Variants in SNTG2 observed in about 807,000 individuals in gnomAD.
SNTG2 encodes the protein syntrophin gamma 2, also known as gamma-2-syntrophin.
A neutral mutation model predicts 70.9 loss-of-function variants in SNTG2; 74 were observed. The ratio of observed to expected loss-of-function variants is 1.04; its 90% confidence interval spans 0.86 to 1.27. The LOEUF (loss-of-function observed/expected upper bound fraction) is 1.27, where lower values mean the gene tolerates loss of function less well. SNTG2 is among the 50% of genes most tolerant of loss of function. The pLI is 0.00. For missense variants in SNTG2, 717 were observed against 690.7 expected, an observed-to-expected ratio of 1.04 and a Z score of -0.43; for synonymous variants, 278 against 273.8, an observed-to-expected ratio of 1.02 and a Z score of -0.15.
At chr2:1,195,911 TCA>T (rs2147952482) in intron 8 of SNTG2, among the ~76,000 whole-genome samples, 1 of 152,192 alleles carries the variant, frequency 6.6e-6, no homozygotes, top group South Asian at 2.1e-4. Flanking sequence ...AAAAATAAAC[TCA>T]CATTGTTGGG....
At chr2:1,359,405 T>C (rs1016374894) in intron 16 of SNTG2, among the ~76,000 whole-genome samples, 14 of 152,206 alleles carry the variant, frequency 9.2e-5, no homozygotes, top group Admixed American at 2.6e-4. Flanking sequence ...ACAGTTGTTC[T>C]ATCTTCCTGG....
chr2:1,123,599 A>AACT (rs1230730251), intron 4 of SNTG2, among the ~76,000 whole-genome samples: 1 of 152,206 alleles, frequency 6.6e-6, no homozygotes, highest in African/African-American at 2.4e-5. Flanking sequence ...GAAGCCATAA[A>AACT]ACTCCTAGAA....
chr2:1,112,922 T>C (rs1016236226), intron 4 of SNTG2, among the ~76,000 whole-genome samples: 8 of 151,712 alleles, frequency 5.3e-5, no homozygotes, highest in Non-Finnish European at 1.2e-4. Flanking sequence ...AGGAGGATCA[T>C]GTATACTAAG....
At chr2:1,307,875 CACGTGCTG>C (rs1292179538) in intron 14 of SNTG2, among the ~76,000 whole-genome samples, 1 of 152,242 alleles carries the variant, frequency 6.6e-6, no homozygotes, top group Non-Finnish European at 1.5e-5. Context: ...TCAGAAGCGG[CACGTGCTG>C]GTCCGGGCCG....
intron 6 of SNTG2, among the ~76,000 whole-genome samples, chr2:1,145,973 A>G (rs1210970752): frequency 3.9e-5 from 6 of 152,234 alleles, no homozygotes; most frequent in South Asian, 2.1e-4. Flanking sequence ...AAATGGATGC[A>G]GGAAAAGCAT....
At chr2:1,314,254 C>T (rs1293919163) in intron 15 of SNTG2, among the ~76,000 whole-genome samples, 1 of 152,016 alleles carries the variant, frequency 6.6e-6, no homozygotes, top group East Asian at 1.9e-4. Flanking sequence ...TAGGCAAAAC[C>T]TCAATAGCCA....
chr2:1,047,424 T>C (rs1161003901), intron 1 of SNTG2, among the ~76,000 whole-genome samples: 1 of 152,220 alleles, frequency 6.6e-6, no homozygotes, highest in East Asian at 1.9e-4. Context: ...AGAATACATT[T>C]TGGCTTTTAG....
At chr2:981,660 T>C (rs1661101209) in intron 1 of SNTG2, among the ~76,000 whole-genome samples, 1 of 152,052 alleles carries the variant, frequency 6.6e-6, no homozygotes, top group African/African-American at 2.4e-5. Context: ...TACATGCACA[T>C]GAACACAGAC....
At chr2:1,121,610 C>G (rs1204209845) in intron 4 of SNTG2, among the ~76,000 whole-genome samples, 1 of 152,046 alleles carries the variant, frequency 6.6e-6, no homozygotes, top group Non-Finnish European at 1.5e-5. Flanking sequence ...AGAAGACTTA[C>G]AATCATAGTA....
chr2:1,237,797 A>C, intron 9 of SNTG2, 91 bp from the exon 10 acceptor site: 1 of 1,486,440 alleles, frequency 6.7e-7, no homozygotes, highest in Non-Finnish European at 9.0e-7. Flanking sequence ...GGTCCAGGGT[A>C]GAGCCCTGCT....
intron 9 of SNTG2, among the ~76,000 whole-genome samples, chr2:1,218,743 G>T (rs758442431): frequency 6.6e-6 from 1 of 152,146 alleles, no homozygotes; most frequent in South Asian, 2.1e-4. Flanking sequence ...GGAATAGTAC[G>T]GGGATAGGAA....
chr2:1,177,163 G>T (rs768590163), intron 8 of SNTG2, among the ~76,000 whole-genome samples: 1 of 152,180 alleles, frequency 6.6e-6, no homozygotes, highest in African/African-American at 2.4e-5. Flanking sequence ...AAAGGAGCAA[G>T]ACTATGTCCT....
At chr2:1,059,877 C>T (rs1662700134) in intron 1 of SNTG2, among the ~76,000 whole-genome samples, 1 of 151,974 alleles carries the variant, frequency 6.6e-6, no homozygotes, top group Non-Finnish European at 1.5e-5. Context: ...TCTATATAAA[C>T]TAAGACAGAG....
chr2:1,315,741 A>G (rs1681246583), intron 15 of SNTG2, among the ~76,000 whole-genome samples: 1 of 152,186 alleles, frequency 6.6e-6, no homozygotes, highest in South Asian at 2.1e-4. Context: ...AAATTGGTTC[A>G]TGAAAAACTA....
At chr2:1,104,821 G>A (rs893281541) in intron 4 of SNTG2, among the ~76,000 whole-genome samples, 3 of 152,188 alleles carry the variant, frequency 2.0e-5, no homozygotes, top group Non-Finnish European at 2.9e-5. Flanking sequence ...GTATCTTTCC[G>A]TCCTCCCGTG....
At chr2:1,287,084 G>C (rs952086348) in intron 14 of SNTG2, among the ~76,000 whole-genome samples, 9 of 152,180 alleles carry the variant, frequency 5.9e-5, no homozygotes, top group Non-Finnish European at 5.9e-5. Context: ...GGAACTCTGG[G>C]TTGGGGAGGA....
intron 13 of SNTG2, among the ~76,000 whole-genome samples, chr2:1,261,442 C>T (rs554614444): frequency 5.5e-4 from 83 of 152,086 alleles, no homozygotes; most frequent in African/African-American, 2.0e-3. Flanking sequence ...TCTCTGATAC[C>T]TTCTAAAAAT....
intron 1 of SNTG2, among the ~76,000 whole-genome samples, chr2:1,073,663 A>G (rs1663728630): frequency 1.3e-5 from 2 of 152,214 alleles, no homozygotes; most frequent in African/African-American, 4.8e-5. Flanking sequence ...ACTACATAGG[A>G]AAGTAGTCAT....
At chr2:1,335,662 A>AATGAAGTAC (rs1302911373) in intron 16 of SNTG2, among the ~76,000 whole-genome samples, 1 of 152,012 alleles carries the variant, frequency 6.6e-6, no homozygotes, top group African/African-American at 2.4e-5. Flanking sequence ...CATTGCACTA[A>AATGAAGTAC]ATCTAGACAT....
Sources: allele counts gnomAD v4.1 joint callset (sites outside exome capture counted in the v4.1 genomes callset), GRCh38; gene constraint gnomAD v4.1.1; transcripts MANE v1.5; gene names NCBI Gene and HGNC (gene_info 2026-07-23, HGNC 2026-07-21).